The following SPTB variants were observed in gnomAD, a reference collection of about 807,000 sequenced individuals.
The protein encoded by SPTB is spectrin beta chain, erythrocytic.
Under a neutral mutation model 256.2 loss-of-function variants are expected in SPTB, and 45 were observed. That is an observed-to-expected ratio of 0.18 (90% CI 0.14 to 0.23). The LOEUF is 0.23. Among genes scored for constraint, SPTB ranks in the 10% least tolerant of loss-of-function variants. The pLI is 1.00. For synonymous variants in SPTB, 1,231 were observed against 1,243.1 expected (o/e 0.99, Z 0.21); for missense variants, 2,715 against 3,040.4 (o/e 0.89, Z 2.52).
rs2082579367 is a variant in SPTB, at chr14:64,786,842, C to G, written c.3123G>C (p.Glu1041Asp). Residue 1041 changes from glutamate to aspartate, a missense_variant, in exon 16 of 36, where the codon GAG becomes GAC. Physicochemically the swap from Glu to Asp is conservative, Grantham distance 45. Around this residue, in one of 4 missense-constraint regions of SPTB, gnomAD observed 2,239 missense variants for 2,384.4 expected, o/e 0.94. Coordinates refer to ENST00000644917, the MANE Select transcript of SPTB (RefSeq NM_001355436.2). The surrounding 1 kb of genome is among the most constrained non-coding windows in gnomAD (Gnocchi z 5.6). ...DIGQRQKHLEELWQGLQQSLQ... is the reference protein window; with the variant it reads ...DIGQRQKHLEDLWQGLQQSLQ... ...GGGATTGCTGCAGGCCCTGCCACAG[C>G]TCCTCCAAGTGTTTTTGCCGCTGAC... is the stretch of plus-strand genomic sequence containing the variant. The G allele has an allele frequency of 2.5e-6, 4 of 1,613,574 alleles. No individual in the cohort carries two copies.
intron 22 of SPTB, among the ~76,000 whole-genome samples, chr14:64,776,078 T>C (rs2082351748): frequency 6.6e-6 from 1 of 152,188 alleles, no homozygotes; most frequent in Non-Finnish European, 1.5e-5. Flanking sequence ...TGACACGTGT[T>C]ACTTGTTTTC....
rs1298017156 is a variant in SPTB, at chr14:64,775,763, G to A, written c.4564-360C>T. Among the ~76,000 whole-genome samples, 1 of 152,232 alleles carries A rather than the reference G, an allele frequency of 6.6e-6. No individual in the cohort carries two copies. Among genetic ancestry groups the A allele is most frequent in the African/African-American group, 2.4e-5 (1 of 41,456 alleles). Reference sequence around the variant, plus strand: ...GCAGAGCTTGATTCCTTAGGTGTATGTGTTGGAAGGAAAAGAAAAATGGCC... The same window carrying A: ...GCAGAGCTTGATTCCTTAGGTGTATATGTTGGAAGGAAAAGAAAAATGGCC... On this transcript the variant is annotated intron_variant, in intron 22 of 35. Transcript: ENST00000644917. The surrounding 1 kb of genome is among the most constrained non-coding windows in gnomAD (Gnocchi z 5.0).
intron 1 of SPTB, among the ~76,000 whole-genome samples, chr14:64,859,198 G>A (rs2083919746): frequency 6.6e-6 from 1 of 152,136 alleles, no homozygotes; most frequent in South Asian, 2.1e-4. Flanking sequence ...AGGTTGCAGT[G>A]AGCCAAGATC....
intron 32 of SPTB, among the ~76,000 whole-genome samples, chr14:64,765,307 A>G (rs906205095): frequency 6.6e-6 from 1 of 152,040 alleles, no homozygotes; most frequent in African/African-American, 2.4e-5. Context: ...CAGCGGGGAC[A>G]TGCAGGGGGA....
intron 6 of SPTB, 134 bp downstream of exon 6, chr14:64,801,620 A>G (rs1391031040): frequency 4.0e-6 from 4 of 1,000,770 alleles, no homozygotes; most frequent in Admixed American, 1.7e-5. Flanking sequence ...TGAAGGTGCT[A>G]TGGGCTGCTG....
chr14:64,790,218 GT>G lies in SPTB; in HGVS notation c.2804+1500del, dbSNP rs927974890. Among the ~76,000 whole-genome samples the G allele has an allele frequency of 6.6e-5, 10 of 151,998 alleles. No individual in the cohort carries two copies. Among genetic ancestry groups the G allele is most frequent in the Non-Finnish European group, 1.0e-4 (7 of 68,010 alleles). On this transcript the variant is annotated intron_variant, in intron 15 of 35. Transcript: ENST00000644917. The surrounding 1 kb of genome is among the most constrained non-coding windows in gnomAD (Gnocchi z 4.8). ...TCTCAAATTTAATTTCATGCCTCGG[GT>G]TTTTTTCTCACTTAAGGATGGCAGG...
chr14:64,769,310 T>C (rs2082242147), intron 28 of SPTB, among the ~76,000 whole-genome samples, 192 bp from the exon 29 acceptor site: 1 of 152,194 alleles, frequency 6.6e-6, no homozygotes, highest in Non-Finnish European at 1.5e-5. Context: ...GCGCCTCTCC[T>C]ATTAAAGGAG....
intron 1 of SPTB, among the ~76,000 whole-genome samples, chr14:64,842,780 C>T (rs894089924): frequency 1.3e-5 from 2 of 152,106 alleles, no homozygotes; most frequent in Non-Finnish European, 2.9e-5. Context: ...ACTTGTGGCA[C>T]TTAAAAATGG....
rs2081867622 is a variant in SPTB at position 64,747,622 on chromosome 14, ACTCAGGGTTC to A, written c.*1674_*1683del. ...CTGATTTCTGCCGGCACTGGTCAGC[ACTCAGGGTTC>A]CTCAGGGGGCCTCATTCTGGATGCC... On this transcript the variant is annotated 3_prime_UTR_variant, in exon 36 of 36. Transcript: ENST00000644917. 1 of 152,192 alleles carries A rather than the reference ACTCAGGGTTC, an allele frequency of 6.6e-6. No homozygotes were observed. The highest frequency in any genetic ancestry group is 2.1e-4 in the South Asian group (1 of 4,836). 9.4% of individuals were successfully genotyped at this position (152,192 alleles called of 1,614,324 possible). A position where few individuals can be genotyped will look rare whatever the true frequency, so the allele number is the denominator to read the frequency against.
intron 8 of SPTB, 112 bp downstream of exon 8, chr14:64,800,644 G>A (rs1207662169): frequency 2.2e-6 from 2 of 913,560 alleles, no homozygotes; most frequent in Non-Finnish European, 3.6e-6. Flanking sequence ...GAGGAAGTTG[G>A]GGGGTGGGTG....
In SPTB at chr14:64,805,056, C is replaced by T. The variant is rs149102226; in HGVS notation, c.183G>A (p.Thr61=). ...EREVVQKKTF[T]KWVNSHLARV... is the part of the protein sequence containing the mutation. ...GAGCCAGGTGCGAGTTCACCCATTT[C>T]GTGAAGGTCTTTTTCTGAACAACTT... The change falls in exon 3 of 36, where the codon ACG becomes ACA. Residue 61 remains threonine (T), a synonymous_variant. Transcript: ENST00000644917. 72 of 1,614,030 alleles carry T rather than the reference C, an allele frequency of 4.5e-5. No individual in the cohort carries two copies. In the African/African-American group the frequency reaches 6.5e-4, roughly 15 times the overall value.
rs2082296367 is a variant in SPTB, at chr14:64,772,706, G to A, written c.5427C>T (p.Ile1809=). Residue 1809 remains isoleucine (I), a synonymous_variant, in exon 26 of 36, where the codon ATC becomes ATT. Coordinates refer to ENST00000644917, the MANE Select transcript of SPTB (RefSeq NM_001355436.2). This position sits in a 1 kb window ranked among gnomAD's most constrained non-coding sequence, Gnocchi z 5.4. Reference sequence around the variant, plus strand: ...GGTGCTTCTCGTCGATGAGGCCCAGGATCTCGGCACCCGTGTAGAAGTAGC... The same window carrying A: ...GGTGCTTCTCGTCGATGAGGCCCAGAATCTCGGCACCCGTGTAGAAGTAGC... The part of the protein sequence containing the change: ...LHRYFYTGAE[I]LGLIDEKHRE... 1.4e-5 allele frequency: 22 copies of A among 1,613,920 alleles called. No individual in the cohort carries two copies. Among genetic ancestry groups the A allele is most frequent in the Non-Finnish European group, 1.9e-5 (22 of 1,180,000 alleles).
intron 1 of SPTB, among the ~76,000 whole-genome samples, chr14:64,870,490 A>C (rs967331046): frequency 3.9e-5 from 6 of 152,228 alleles, no homozygotes; most frequent in Non-Finnish European, 7.3e-5. Flanking sequence ...TACATGCTCT[A>C]CAAAGCAAAT....
Position 64,753,672 on chromosome 14 carries a change from A to G in SPTB, c.6467T>C (p.Leu2156Pro), listed in dbSNP as rs754778995. The G allele has an allele frequency of 5.6e-6, 9 of 1,613,692 alleles. No homozygotes were observed. In the South Asian group the frequency reaches 8.8e-5, roughly 16 times the overall value. The stretch of plus-strand genomic sequence containing the variant: ...ATCACCCTCGCTCAGAGGCGTATCT[A>G]GGACCTTAAAGAGGGGCTCCGTGGT... Reference protein sequence around the residue: ...RPTTEPLFKVLDTPLSEGDEP... With the variant: ...RPTTEPLFKVPDTPLSEGDEP... Residue 2156 changes from leucine to proline, a missense_variant, in exon 33 of 36, where the codon CTA becomes CCA. Transcript: ENST00000644917.
chr14:64,778,881 A>G lies in SPTB; in HGVS notation c.4563+276T>C, dbSNP rs2082411861. On this transcript the variant is annotated intron_variant, in intron 22 of 35. Coordinates refer to ENST00000644917, the MANE Select transcript of SPTB (RefSeq NM_001355436.2). The surrounding 1 kb of genome is among the most constrained non-coding windows in gnomAD (Gnocchi z 5.2). ...TCAACCTCCAGGCCAGGCCCCCGAG[A>G]TCCTGCATTCACCTGTGCCTGATGG... Among the ~76,000 whole-genome samples, 1 of 152,046 alleles carries G rather than the reference A, an allele frequency of 6.6e-6. No individual in the cohort carries two copies. The highest frequency in any genetic ancestry group is 2.4e-5 in the African/African-American group (1 of 41,390).
intron 32 of SPTB, chr14:64,755,793 G>A (rs1430943517): frequency 6.6e-6 from 1 of 152,228 alleles, no homozygotes; most frequent in African/African-American, 2.4e-5. Flanking sequence ...TCACTCTGCA[G>A]TTAACCTGTG....
intron 19 of SPTB, among the ~76,000 whole-genome samples, chr14:64,783,094 C>T (rs537158440): frequency 6.6e-6 from 1 of 152,278 alleles, no homozygotes; most frequent in South Asian, 2.1e-4. Context: ...CGCTGACCTC[C>T]TTCGGTTACT....
In SPTB at chr14:64,823,779, G is replaced by A. The variant is rs984275635; in HGVS notation, c.-51-634C>T. Among the ~76,000 whole-genome samples, 4 of 152,264 alleles carry A rather than the reference G, an allele frequency of 2.6e-5. No individual in the cohort carries two copies. Among genetic ancestry groups the A allele is most frequent in the South Asian group, 2.1e-4 (1 of 4,818 alleles). ...AGTTGGTATTCAGAAAGCTGACCTC[G>A]CATTTTAGGGCTTCTTTGGAGCATG... On this transcript the variant is annotated intron_variant, in intron 1 of 35. Coordinates refer to ENST00000644917, the MANE Select transcript of SPTB (RefSeq NM_001355436.2). This position sits in a 1 kb window ranked among gnomAD's most constrained non-coding sequence, Gnocchi z 6.5.
intron 15 of SPTB, among the ~76,000 whole-genome samples, chr14:64,789,281 G>C (rs2082627562): frequency 6.6e-6 from 1 of 152,202 alleles, no homozygotes; most frequent in South Asian, 2.1e-4. Flanking sequence ...GAGCCTGGGA[G>C]GCTGAGGCTG....
Sources: gnomAD v4.1 joint callset for allele counts (sites outside exome capture counted in the v4.1 genomes callset) on GRCh38, gnomAD v4.1.1 for gene constraint, gnomAD v4.1.1 regional missense constraint, Gnocchi (gnomAD v3.1) non-coding constraint, MANE v1.5 for transcripts, NCBI Gene and HGNC (gene_info 2026-07-23, HGNC 2026-07-21) for gene names.